Variants in ASPH observed in about 807,000 individuals in gnomAD.
ASPH encodes aspartate beta-hydroxylase.
In ASPH, 100 loss-of-function variants were observed where a neutral mutation model predicts 118.4. The observed-to-expected ratio is 0.84, with a 90% CI of 0.72 to 1.00. The LOEUF (loss-of-function observed/expected upper bound fraction) is 1.00. ASPH is among the 50% of genes least tolerant of loss of function. The pLI is 0.00. For missense variants in ASPH, 920 were observed against 919.5 expected (o/e 1.00, Z -0.01); for synonymous variants, 315 against 325.6 (o/e 0.97, Z 0.35).
chr8:61,633,904 C>T (rs1856677176), intron 12 of ASPH, among the ~76,000 whole-genome samples, 177 bp from the exon 13 acceptor site: 1 of 152,122 alleles, frequency 6.6e-6, no homozygotes, highest in African/African-American at 2.4e-5. Flanking sequence ...TCAGCTACAA[C>T]TTAGCAAAAT....
rs954446118 is a variant in ASPH at position 61,682,314 on chromosome 8, AC to A, written c.254-1279del. Reference sequence around the variant, plus strand: ...TAGAAAATACTACCCTTTCTGACAAACCCATAATGGGAAATTGGTCCTATCA... The same window carrying A: ...TAGAAAATACTACCCTTTCTGACAAACCATAATGGGAAATTGGTCCTATCA... On this transcript the variant is annotated intron_variant, in intron 2 of 24. Coordinates refer to ENST00000379454, the MANE Select transcript of ASPH (RefSeq NM_004318.4). The A allele has an allele frequency of 9.3e-5, 90 of 968,428 alleles. No homozygotes were observed. The African/African-American group carries it at 1.5e-3, about 16-fold the overall frequency. The allele number at this position is 968,428 out of a possible 1,614,324, so 60.0% of individuals were successfully genotyped here.
At chr8:61,691,813 T>G (rs1157262686) in intron 1 of ASPH, among the ~76,000 whole-genome samples, 1 of 152,188 alleles carries the variant, frequency 6.6e-6, no homozygotes, top group Non-Finnish European at 1.5e-5. Context: ...TGAAACAAAC[T>G]TCTATTGATT....
intron 15 of ASPH, among the ~76,000 whole-genome samples, chr8:61,580,511 C>T (rs976339047): frequency 2.0e-5 from 3 of 152,190 alleles, no homozygotes; most frequent in Non-Finnish European, 4.4e-5. Flanking sequence ...CTACCACAAA[C>T]TTGATGGCTT....
chr8:61,506,627 G>A (rs1806685477), intron 24 of ASPH, among the ~76,000 whole-genome samples: 1 of 152,112 alleles, frequency 6.6e-6, no homozygotes, highest in African/African-American at 2.4e-5. Context: ...ATTACTTATG[G>A]GACCTAAGGT....
At position 61,578,368 on chromosome 8, in the gene ASPH, T is replaced by C; in HGVS notation, c.1063-1510A>G. 3.1e-6 allele frequency: 5 copies of C among 1,606,948 alleles called. No homozygotes were observed. The South Asian group carries it at 5.5e-5, about 18-fold the overall frequency. The stretch of plus-strand genomic sequence containing the variant: ...GGCAGCAGCAGCTTTCGGGGTGGCC[T>C]GGGAGGCGGCTATAGTGGGGCCAGC... On this transcript the variant is annotated intron_variant, in intron 15 of 24. Coordinates refer to ENST00000379454, the MANE Select transcript of ASPH (RefSeq NM_004318.4).
chr8:61,597,955 A>G (rs1842916767), intron 14 of ASPH, among the ~76,000 whole-genome samples: 2 of 152,220 alleles, frequency 1.3e-5, no homozygotes, highest in African/African-American at 4.8e-5. Flanking sequence ...AAAGTATAAA[A>G]CTCACTAGTA....
At chr8:61,525,155 A>G (rs10504330) in intron 22 of ASPH, among the ~76,000 whole-genome samples, 16,953 of 152,204 alleles carry the variant, frequency 0.11, 971 homozygotes, top group Non-Finnish European at 0.13. Context: ...AGTGTAAATT[A>G]GATGCATATT....
intron 14 of ASPH, chr8:61,607,121 A>G: frequency 1.8e-6 from 1 of 549,342 alleles, no homozygotes; most frequent in South Asian, 2.4e-5. Flanking sequence ...CTTTGCTTTC[A>G]GAGCGCTCCA....
chr8:61,651,608 G>A lies in ASPH; in HGVS notation c.416-484C>T, dbSNP rs189091978. Among the ~76,000 whole-genome samples the A allele has an allele frequency of 2.7e-3, 416 of 152,350 alleles. 2 individuals carry two copies. Among genetic ancestry groups the A allele is most frequent in the African/African-American group, 9.6e-3 (400 of 41,588 alleles). On this transcript the variant is annotated intron_variant, in intron 4 of 24. Coordinates refer to ENST00000379454, the MANE Select transcript of ASPH (RefSeq NM_004318.4). The stretch of plus-strand genomic sequence containing the variant: ...AGAAAGGGCACTCCTGCAGGTGAGA[G>A]GACTGAATACTCAGAGGTAGCCGAC...
intron 16 of ASPH, among the ~76,000 whole-genome samples, chr8:61,575,998 T>C (rs570871796): frequency 5.9e-5 from 9 of 152,318 alleles, no homozygotes; most frequent in Admixed American, 2.0e-4. Context: ...ATAAAGGCTA[T>C]GGCCAAACCT....
At position 61,689,741 on chromosome 8, in the gene ASPH, A is replaced by C. The variant is rs146941963; in HGVS notation, c.104-5553T>G. 1,512 of 1,543,516 alleles carry C rather than the reference A, an allele frequency of 9.8e-4. 8 individuals carry two copies. In the African/African-American group the frequency reaches 9.8e-3, roughly 10 times the overall value. On this transcript the variant is annotated intron_variant, in intron 1 of 24. Transcript: ENST00000379454. ...AATGCTAAAGTAAAACAAAACAAAA[A>C]AAAAAACTCAAAAGTACTGCTGGCA... is the stretch of plus-strand genomic sequence containing the variant.
chr8:61,661,773 A>AT (rs1389815187), intron 3 of ASPH: 8 of 364,624 alleles, frequency 2.2e-5, no homozygotes, highest in African/African-American at 1.7e-4. Flanking sequence ...GCAGGTCATA[A>AT]TACAAAATAT....
Position 61,665,629 on chromosome 8 carries a change from G to A in ASPH, c.323-11969C>T, listed in dbSNP as rs372901971. 2.1e-4 allele frequency: 328 copies of A among 1,540,042 alleles called. 1 individual carries two copies. The highest frequency in any genetic ancestry group is 3.5e-4 in the Middle Eastern group (2 of 5,748). The stretch of plus-strand genomic sequence containing the variant: ...TAACTTTCAGATTTTCCAATTAAAG[G>A]AAAAAATGTTTATTGACAGGATCTC... On this transcript the variant is annotated intron_variant, in intron 3 of 24. Transcript: ENST00000379454.
chr8:61,706,045 A>C (rs1241454011), intron 1 of ASPH, among the ~76,000 whole-genome samples: 5 of 152,202 alleles, frequency 3.3e-5, no homozygotes, highest in Admixed American at 3.3e-4. Flanking sequence ...AATGTTTTTT[A>C]AAATACAAAG....
At chr8:61,574,713 G>T (rs1293195329) in intron 16 of ASPH, among the ~76,000 whole-genome samples, 1 of 152,154 alleles carries the variant, frequency 6.6e-6, no homozygotes, top group Non-Finnish European at 1.5e-5. Flanking sequence ...GGGGCTAGGG[G>T]AGGGATAGCA....
chr8:61,577,519 T>C (rs1178909364), intron 15 of ASPH, among the ~76,000 whole-genome samples: 2 of 151,760 alleles, frequency 1.3e-5, no homozygotes, highest in Admixed American at 6.6e-5. Flanking sequence ...TTCTCGAATA[T>C]TGTATTAGTC....
chr8:61,665,060 T>C, intron 3 of ASPH: 1 of 1,312,708 alleles, frequency 7.6e-7, no homozygotes, highest in Non-Finnish European at 9.7e-7. Flanking sequence ...ATTTTTAAAA[T>C]GTTTTTACAT....
intron 12 of ASPH, 58 bp from the exon 13 acceptor site, chr8:61,633,785 T>C (rs1228175232): frequency 8.3e-6 from 10 of 1,205,280 alleles, no homozygotes; most frequent in East Asian, 5.1e-5. Context: ...GTTTAAAATA[T>C]GCGTTGCCAG....
chr8:61,629,805 C>T (rs1020629166), intron 13 of ASPH, among the ~76,000 whole-genome samples: 2 of 152,194 alleles, frequency 1.3e-5, no homozygotes, highest in Non-Finnish European at 2.9e-5. Flanking sequence ...TCAGCTGTCA[C>T]GTCTTCATTT....
Sources: gnomAD v4.1 joint callset for allele counts (sites outside exome capture counted in the v4.1 genomes callset) on GRCh38, gnomAD v4.1.1 for gene constraint, MANE v1.5 for transcripts, NCBI Gene and HGNC (gene_info 2026-07-23, HGNC 2026-07-21) for gene names.